The following CLEC18A variants were observed in gnomAD, a reference collection of about 807,000 sequenced individuals.
CLEC18A encodes the protein mannose receptor-like 1.
A neutral mutation model predicts 24.0 loss-of-function variants in CLEC18A; 5 were observed. The observed-to-expected ratio is 0.21, with a 90% CI of 0.11 to 0.44. CLEC18A has a LOEUF of 0.44. CLEC18A is among the 20% of genes least tolerant of loss of function. The pLI, the probability that CLEC18A is intolerant of heterozygous loss-of-function variation, is 0.99. For missense variants in CLEC18A, 83 were observed against 233.4 expected, an observed-to-expected ratio of 0.36 and a Z score of 4.20; for synonymous variants, 29 against 100.1, an observed-to-expected ratio of 0.29 and a Z score of 4.24.
intron 3 of CLEC18A, among the ~76,000 whole-genome samples, chr16:69,955,023 A>C (rs1424920656): frequency 6.8e-6 from 1 of 147,776 alleles, no homozygotes; most frequent in African/African-American, 2.5e-5. Flanking sequence ...TTTTGGAGAC[A>C]TGGTCTCACT....
intron 2 of CLEC18A, chr16:69,953,675 C>CGTG (rs896905481): frequency 1.7e-5 from 2 of 114,852 alleles, no homozygotes; most frequent in African/African-American, 5.6e-5. Flanking sequence ...ATTAGCCAGG[C>CGTG]GTGGTGTCAC....
chr16:69,952,598 C>A (rs1468846241), intron 2 of CLEC18A: 2 of 154,298 alleles, frequency 1.3e-5, no homozygotes, highest in African/African-American at 4.9e-5. Context: ...TGCCCATGTT[C>A]TCTGCTCACT....
chr16:69,946,206 G>C (rs796306766), upstream of CLEC18A, among the ~76,000 whole-genome samples: 8 of 124,506 alleles, frequency 6.4e-5, no homozygotes, highest in South Asian at 2.8e-4. Flanking sequence ...CCCAGGAGGC[G>C]GAGGTTGCAG....
upstream of CLEC18A, among the ~76,000 whole-genome samples, chr16:69,946,411 T>C (rs1597203076): frequency 1.5e-5 from 1 of 64,884 alleles, no homozygotes; most frequent in African/African-American, 6.7e-5. Flanking sequence ...TTTTTTTTTT[T>C]TTTTTTGAGA....
chr16:69,954,598 G>A, intron 3 of CLEC18A, 25 bp downstream of exon 3: 1 of 1,608,298 alleles, frequency 6.2e-7, no homozygotes. Context: ...GGTGAGGCCA[G>A]TGTGCCAGCT....
At chr16:69,946,505 C>T (rs1206833107), upstream of CLEC18A, among the ~76,000 whole-genome samples, 5 of 140,834 alleles carry the variant, frequency 3.6e-5, no homozygotes, top group Non-Finnish European at 7.6e-5. Flanking sequence ...TCAAGCAATT[C>T]TCCTGCCTCA....
downstream of CLEC18A, among the ~76,000 whole-genome samples, chr16:69,964,644 C>T (rs1462086158): frequency 4.0e-5 from 6 of 150,944 alleles, no homozygotes; most frequent in Non-Finnish European, 8.9e-5. Flanking sequence ...GGACTACAGA[C>T]GCCCGCCACC....
chr16:69,944,697 G>A, the CLEC18A span, among the ~76,000 whole-genome samples: 2 of 147,528 alleles, frequency 1.4e-5, no homozygotes, highest in South Asian at 2.2e-4. Context: ...TTAGCCGGGT[G>A]TGGTGGTGGG....
upstream of CLEC18A, among the ~76,000 whole-genome samples, chr16:69,950,439 G>T (rs1484563529): frequency 1.6e-5 from 2 of 122,404 alleles, 1 homozygote; most frequent in Non-Finnish European, 3.9e-5. Context: ...CCATGGTGCA[G>T]ATCTGCTCCA....
chr16:69,949,811 C>CA (rs1228332027), upstream of CLEC18A, among the ~76,000 whole-genome samples: 1 of 48,464 alleles, frequency 2.1e-5, no homozygotes, highest in Non-Finnish European at 3.4e-5. Context: ...CTGTCTCTAC[C>CA]AAAAAAAATG....
chr16:69,944,394 T>C, the CLEC18A span, among the ~76,000 whole-genome samples: 1 of 152,006 alleles, frequency 6.6e-6, no homozygotes, highest in African/African-American at 2.4e-5. Context: ...AGCAGAGTCA[T>C]GAACCAGACT....
chr16:69,954,411 C>A lies in CLEC18A; in HGVS notation c.294C>A (p.Ser98=). The A allele has an allele frequency of 6.2e-7, 1 of 1,610,680 alleles. No individual in the cohort carries two copies. ...GAACCCCAACCCCGAGCCTGGCGTC[C>A]GGCCTGTGGCGCACCCTGCAAGTGG... ...LCGTPTPSLA[S]GLWRTLQVGW... Residue 98 remains serine (S), a synonymous_variant, in exon 3 of 12, where the codon TCC becomes TCA. Coordinates refer to ENST00000288040, the MANE Select transcript of CLEC18A (RefSeq NM_001370523.4).
intron 3 of CLEC18A, among the ~76,000 whole-genome samples, chr16:69,956,379 G>A (rs1467910654): frequency 4.5e-5 from 5 of 110,522 alleles, no homozygotes; most frequent in South Asian, 6.8e-4. Flanking sequence ...TTTTTGAGAC[G>A]GAGTCTTGCT....
chr16:69,952,498 G>A (rs986433373), intron 2 of CLEC18A: 1 of 194,666 alleles, frequency 5.1e-6, no homozygotes, highest in African/African-American at 2.4e-5. Flanking sequence ...GCCAGGGAGG[G>A]AGAAGGTCGT....
chr16:69,952,620 A>G (rs2058969585), intron 2 of CLEC18A: 1 of 148,950 alleles, frequency 6.7e-6, no homozygotes. Context: ...ACTCGTCCAC[A>G]TTTTCCACAT....
chr16:69,943,980 TC>T, the CLEC18A span, among the ~76,000 whole-genome samples: 21 of 133,412 alleles, frequency 1.6e-4, 2 homozygotes, highest in East Asian at 1.8e-3. Context: ...GGTACCAACT[TC>T]CGTAAGCCTT....
At position 69,954,487 on chromosome 16, in the gene CLEC18A, G is replaced by A; in HGVS notation, c.370G>A (p.Val124Ile). 1 of 1,611,920 alleles carries A rather than the reference G, an allele frequency of 6.2e-7. No homozygotes were observed. Among genetic ancestry groups the A allele is most frequent in the Non-Finnish European group, 8.5e-7 (1 of 1,178,760 alleles). ...PAGLVSFVEVVSLWFAEGQRY... is the reference protein window; with the variant it reads ...PAGLVSFVEVISLWFAEGQRY... ...GGGCTTGGTGTCCTTTGTCGAAGTG[G>A]TCAGCCTATGGTTTGCAGAGGGGCA... is the stretch of plus-strand genomic sequence containing the variant. Residue 124 changes from valine (V) to isoleucine (I), a missense_variant, in exon 3 of 12, where the codon GTC becomes ATC. This residue lies in a region of CLEC18A where 71 missense variants were observed against 107.4 expected (regional missense o/e 0.66). Transcript: ENST00000288040.
At chr16:69,955,743 G>A (rs2059025621) in intron 3 of CLEC18A, among the ~76,000 whole-genome samples, 1 of 118,408 alleles carries the variant, frequency 8.4e-6, no homozygotes, top group Non-Finnish European at 1.6e-5. Flanking sequence ...CCCTTTTCCC[G>A]CTGTCCCTCC....
chr16:69,949,172 G>C, upstream of CLEC18A, among the ~76,000 whole-genome samples: 1 of 120,876 alleles, frequency 8.3e-6, no homozygotes, highest in Non-Finnish European at 1.7e-5. Context: ...GGCTGGTCTC[G>C]AGCTCCTGAC....
Sources: allele counts gnomAD v4.1 joint callset (sites outside exome capture counted in the v4.1 genomes callset), GRCh38; gene constraint gnomAD v4.1.1; regional missense constraint gnomAD v4.1.1; transcripts MANE v1.5; gene names NCBI Gene and HGNC (gene_info 2026-07-23, HGNC 2026-07-21).